The following UNC5C variants were observed in gnomAD, a reference collection of about 807,000 sequenced individuals.
UNC5C encodes unc-5 netrin receptor C.
In UNC5C, 47 loss-of-function variants were observed where a neutral mutation model predicts 99.8. That is an observed-to-expected ratio of 0.47 (90% CI 0.37 to 0.60). The LOEUF (loss-of-function observed/expected upper bound fraction) is 0.60, where lower values mean the gene tolerates loss of function less well. Among genes scored for constraint, UNC5C ranks in the 20% least tolerant of loss-of-function variants. UNC5C has a pLI of 0.00. For missense variants in UNC5C, 1,062 were observed against 1,165.9 expected (o/e 0.91, Z 1.30); for synonymous variants, 487 against 452.2 (o/e 1.08, Z -0.98).
chr4:95,372,481 G>A lies in UNC5C; in HGVS notation c.125-36850C>T, dbSNP rs144948321. Among the ~76,000 whole-genome samples, 673 of 152,148 alleles carry A rather than the reference G, an allele frequency of 4.4e-3. 7 individuals are homozygous for A. Among genetic ancestry groups the A allele is most frequent in the Non-Finnish European group, 6.8e-3 (461 of 68,002 alleles). On this transcript the variant is annotated intron_variant, in intron 1 of 15. Coordinates refer to ENST00000453304, the MANE Select transcript of UNC5C (RefSeq NM_003728.4). Reference sequence around the variant, plus strand: ...ACATACAGAAAAGCGATTTCCAAACGGGAAAGGTTGCTCTGTTAGGTATTA... The same window carrying A: ...ACATACAGAAAAGCGATTTCCAAACAGGAAAGGTTGCTCTGTTAGGTATTA...
chr4:95,391,492 T>C (rs1025212715), intron 1 of UNC5C, among the ~76,000 whole-genome samples: 1 of 152,204 alleles, frequency 6.6e-6, no homozygotes, highest in African/African-American at 2.4e-5. Context: ...TGAATAATTT[T>C]CATGTATTAA....
At position 95,335,640 on chromosome 4, in the gene UNC5C, G is replaced by C. The variant is rs759520174; in HGVS notation, c.125-9C>G. On this transcript the variant is annotated splice_polypyrimidine_tract_variant and intron_variant, in intron 1 of 15. Transcript: ENST00000453304. ...ATGAAAAAAGTCATCATCTGAGAAA[G>C]AAGAAGAAAGTGGAAGATGGTTAAC... 1 of 1,599,182 alleles carries C rather than the reference G, an allele frequency of 6.3e-7. No individual in the cohort carries two copies. The highest frequency in any genetic ancestry group is 1.1e-5 in the South Asian group (1 of 89,488).
At chr4:95,244,341 G>T (rs1739426929) in intron 6 of UNC5C, among the ~76,000 whole-genome samples, 1 of 152,168 alleles carries the variant, frequency 6.6e-6, no homozygotes, top group East Asian at 1.9e-4. Context: ...AGCAATATGA[G>T]ATAGTACAGA....
At chr4:95,401,553 C>T (rs1026127903) in intron 1 of UNC5C, among the ~76,000 whole-genome samples, 1 of 152,180 alleles carries the variant, frequency 6.6e-6, no homozygotes, top group Non-Finnish European at 1.5e-5. Context: ...AATCCTCCCA[C>T]TTTGGTCTCC....
intron 4 of UNC5C, among the ~76,000 whole-genome samples, chr4:95,276,821 G>A (rs1328702490): frequency 1.3e-5 from 2 of 151,972 alleles, no homozygotes; most frequent in Non-Finnish European, 2.9e-5. Flanking sequence ...GGCATGAGAT[G>A]CCAAATTAAG....
At chr4:95,341,082 A>G (rs1438393255) in intron 1 of UNC5C, among the ~76,000 whole-genome samples, 1 of 152,196 alleles carries the variant, frequency 6.6e-6, no homozygotes, top group Non-Finnish European at 1.5e-5. Context: ...ATAGAATTTG[A>G]CAATATAAGT....
chr4:95,429,317 A>G (rs1409136338), intron 1 of UNC5C, among the ~76,000 whole-genome samples: 1 of 151,220 alleles, frequency 6.6e-6, no homozygotes, highest in African/African-American at 2.4e-5. Context: ...AAAACAAGCC[A>G]ACAAATTGGA....
chr4:95,511,684 T>C (rs113636204), intron 1 of UNC5C, among the ~76,000 whole-genome samples: 2,624 of 152,262 alleles, frequency 0.017, 86 homozygotes, highest in African/African-American at 0.06. Flanking sequence ...TCATTTTAGC[T>C]AGGTCCCCTG....
chr4:95,522,923 C>T (rs576559973), intron 1 of UNC5C, among the ~76,000 whole-genome samples: 10 of 147,414 alleles, frequency 6.8e-5, no homozygotes, highest in Admixed American at 2.1e-4. Flanking sequence ...GCACAAGAAA[C>T]GAAAGTGCCC....
intron 1 of UNC5C, among the ~76,000 whole-genome samples, chr4:95,391,642 T>C (rs1745362161): frequency 6.6e-6 from 1 of 151,488 alleles, no homozygotes; most frequent in South Asian, 2.1e-4. Context: ...GTATTAAATA[T>C]AGATACAAAT....
At chr4:95,247,547 G>C (rs1739546952) in intron 5 of UNC5C, among the ~76,000 whole-genome samples, 1 of 152,154 alleles carries the variant, frequency 6.6e-6, no homozygotes, top group Non-Finnish European at 1.5e-5. Context: ...AGATGAAAAA[G>C]TCTTTGAAGA....
intron 1 of UNC5C, among the ~76,000 whole-genome samples, chr4:95,367,187 C>T (rs1450629396): frequency 3.6e-5 from 5 of 139,026 alleles, no homozygotes; most frequent in Non-Finnish European, 6.2e-5. Context: ...TTCTCCCATT[C>T]TTTTTTTTTT....
At chr4:95,332,513 G>A (rs1290761477) in intron 2 of UNC5C, among the ~76,000 whole-genome samples, 4 of 151,476 alleles carry the variant, frequency 2.6e-5, no homozygotes, top group Non-Finnish European at 5.9e-5. Context: ...GAACTGGCTA[G>A]CCATATGTAG....
At chr4:95,189,298 T>A (rs1255214510) in intron 12 of UNC5C, among the ~76,000 whole-genome samples, 1 of 152,192 alleles carries the variant, frequency 6.6e-6, no homozygotes, top group African/African-American at 2.4e-5. Flanking sequence ...TTCAAAATAT[T>A]TTTAGACACC....
At chr4:95,382,162 C>T (rs4353913) in intron 1 of UNC5C, among the ~76,000 whole-genome samples, 88,700 of 151,900 alleles carry the variant, frequency 0.58, 26,309 homozygotes, top group East Asian at 0.71. Flanking sequence ...TATTTAAGTT[C>T]TGTGGGACTT....
chr4:95,319,101 G>C (rs939407255), intron 2 of UNC5C, among the ~76,000 whole-genome samples: 1 of 152,128 alleles, frequency 6.6e-6, no homozygotes, highest in African/African-American at 2.4e-5. Flanking sequence ...GAACATCTAT[G>C]TACTCCCTCT....
chr4:95,193,933 A>G (rs748196093), intron 12 of UNC5C, among the ~76,000 whole-genome samples: 5 of 151,682 alleles, frequency 3.3e-5, no homozygotes, highest in African/African-American at 1.2e-4. Flanking sequence ...TCCTGTGTTC[A>G]CGCCAGGGTG....
intron 1 of UNC5C, among the ~76,000 whole-genome samples, chr4:95,369,732 C>A (rs565477747): frequency 6.6e-6 from 1 of 151,882 alleles, no homozygotes; most frequent in Non-Finnish European, 1.5e-5. Context: ...TAACTGGGGC[C>A]GCTATATTGG....
At chr4:95,180,221 A>T (rs2096438453) in intron 14 of UNC5C, among the ~76,000 whole-genome samples, 1 of 152,230 alleles carries the variant, frequency 6.6e-6, no homozygotes, top group African/African-American at 2.4e-5. Context: ...AAACTGAGGC[A>T]AGAAAGGATT....
Sources: allele counts gnomAD v4.1 joint callset (sites outside exome capture counted in the v4.1 genomes callset), GRCh38; gene constraint gnomAD v4.1.1; transcripts MANE v1.5; gene names NCBI Gene and HGNC (gene_info 2026-07-23, HGNC 2026-07-21).